The following RNF213 variants were observed in gnomAD, a reference collection of about 807,000 sequenced individuals.
The protein encoded by RNF213 is ring finger protein 213, also known as E3 ubiquitin-protein ligase RNF213.
Under a neutral mutation model 514.4 loss-of-function variants are expected in RNF213, and 341 were observed. The ratio of observed to expected loss-of-function variants is 0.66; its 90% CI spans 0.61 to 0.73. RNF213 has a LOEUF of 0.73. Ranked by LOEUF, RNF213 falls within the 30% of genes least tolerant of loss-of-function variation. The pLI is 0.00. For missense variants in RNF213, 5,767 were observed against 6,615.6 expected, an observed-to-expected ratio of 0.87 and a Z score of 4.45; for synonymous variants, 2,655 against 2,658.2, an observed-to-expected ratio of 1.00 and a Z score of 0.04.
chr17:80,348,363 T>C lies in RNF213; in HGVS notation c.9951+77T>C. On this transcript the variant is annotated intron_variant, in intron 29 of 67. Coordinates refer to ENST00000582970, the MANE Select transcript of RNF213 (RefSeq NM_001256071.3). The stretch of plus-strand genomic sequence containing the variant: ...AATCCCTCGTGTCAGGATTCAAGAT[T>C]CTTCCCCAGGCAGCGGTTAGGGATC... The C allele has an allele frequency of 2.5e-6, 4 of 1,586,876 alleles. No individual in the cohort carries two copies. In the Admixed American group the frequency reaches 6.7e-5, roughly 26 times the overall value.
In RNF213 at chr17:80,392,403, A is replaced by G. The variant is rs187872859; in HGVS notation, c.15471-942A>G. On this transcript the variant is annotated intron_variant, in intron 67 of 67. Transcript: ENST00000582970. ...TGAATGGTGAGGCCTTGTTTATGCA[A>G]CCCTGTAAATAAACATCACCTTGCT... is the stretch of plus-strand genomic sequence containing the variant. Among the ~76,000 whole-genome samples, 19 of 152,270 alleles carry G rather than the reference A, an allele frequency of 1.2e-4. No homozygotes were observed. In the East Asian group the frequency reaches 2.9e-3, roughly 23 times the overall value.
chr17:80,360,107 C>A lies in RNF213; in HGVS notation c.11101C>A (p.Leu3701Ile). Residue 3701 changes from leucine (L) to isoleucine (I), a missense_variant, in exon 38 of 68, where the codon CTT becomes ATT. By Grantham distance (5) the Leu-to-Ile change is conservative. This residue lies in a region of RNF213 where 919 missense variants were observed against 1,121.0 expected (regional missense o/e 0.82). Transcript: ENST00000582970. Reference sequence around the variant, plus strand: ...CATCGTGGTGCAGAACCACATGAACCTTTCCGAGAACGCTTCCAACAACGT... The same window carrying A: ...CATCGTGGTGCAGAACCACATGAACATTTCCGAGAACGCTTCCAACAACGT... The part of the protein sequence containing the change: ...AYIVVQNHMN[L>I]SENASNNVPF... 1 of 1,614,154 alleles carries A rather than the reference C, an allele frequency of 6.2e-7. No individual in the cohort carries two copies. Among genetic ancestry groups the A allele is most frequent in the South Asian group, 1.1e-5 (1 of 91,078 alleles).
At chr17:80,290,167 T>G (rs1454792386) in intron 6 of RNF213, among the ~76,000 whole-genome samples, 1 of 152,232 alleles carries the variant, frequency 6.6e-6, no homozygotes, top group Non-Finnish European at 1.5e-5. Context: ...CCACCTCTTC[T>G]TCCTCCATTT....
intron 3 of RNF213, 47 bp downstream of exon 3, chr17:80,273,451 A>G (rs1273464350): frequency 5.6e-6 from 9 of 1,607,408 alleles, no homozygotes; most frequent in Non-Finnish European, 7.6e-6. Context: ...CACTCTGCCC[A>G]GGAAAATCTC....
In RNF213 at chr17:80,313,186, G is replaced by C. The variant is rs78857404; in HGVS notation, c.2811+19G>C. On this transcript the variant is annotated intron_variant, in intron 15 of 67. Coordinates refer to ENST00000582970, the MANE Select transcript of RNF213 (RefSeq NM_001256071.3). ...AATTGAGGTAGGCATTTGGCCGAAG[G>C]CTTCTGGGTAGGGATGTGACTGATC... The C allele has an allele frequency of 0.061, 98,048 of 1,613,832 alleles. 4,097 individuals carry two copies. Among genetic ancestry groups the C allele is most frequent in the East Asian group, 0.21 (9,447 of 44,870 alleles).
chr17:80,366,504 C>T (rs981893024), intron 42 of RNF213, among the ~76,000 whole-genome samples: 1 of 152,122 alleles, frequency 6.6e-6, no homozygotes, highest in African/African-American at 2.4e-5. Context: ...GAGCATCCTT[C>T]ATGTGCTTGT....
intron 3 of RNF213, among the ~76,000 whole-genome samples, chr17:80,279,299 G>A (rs2044175362): frequency 6.6e-6 from 1 of 152,098 alleles, no homozygotes; most frequent in Non-Finnish European, 1.5e-5. Flanking sequence ...GCCCAAGGGG[G>A]CTTAGAGGGC....
chr17:80,363,798 C>T lies in RNF213; in HGVS notation c.11750+8C>T. On this transcript the variant is annotated splice_region_variant and intron_variant, in intron 41 of 67. Coordinates refer to ENST00000582970, the MANE Select transcript of RNF213 (RefSeq NM_001256071.3). ...TGTCATCAGGGAAGTCAGGTGAGAC[C>T]CAGGAGCCCTCACCCACTGCTTCAT... 6.2e-7 allele frequency: 1 copy of T among 1,612,166 alleles called. No homozygotes were observed. The highest frequency in any genetic ancestry group is 8.5e-7 in the Non-Finnish European group (1 of 1,179,776).
Position 80,385,010 on chromosome 17 carries a change from TTGTTAC to T in RNF213, c.14323-26_14323-21del, listed in dbSNP as rs543656236. The T allele has an allele frequency of 2.5e-3, 4,007 of 1,613,226 alleles. 9 individuals carry two copies. The highest frequency in any genetic ancestry group is 3.0e-3 in the Non-Finnish European group (3,516 of 1,179,156). On this transcript the variant is annotated intron_variant, in intron 59 of 67. Coordinates refer to ENST00000582970, the MANE Select transcript of RNF213 (RefSeq NM_001256071.3). ...ATAACATTTTTTAGGTAAATAAAAA[TTGTTAC>T]TGGGTGGTCTTCCCTTCTCCAGGAA...
intron 15 of RNF213, chr17:80,315,679 G>A (rs1200354778): frequency 2.0e-5 from 3 of 151,682 alleles, no homozygotes; most frequent in Non-Finnish European, 2.9e-5. Flanking sequence ...GGAGGTGATG[G>A]TGGTGGTGAA....
intron 36 of RNF213, chr17:80,355,087 G>A (rs1027829453): frequency 7.4e-6 from 3 of 406,408 alleles, no homozygotes; most frequent in Non-Finnish European, 1.5e-5. Context: ...AGGAAGGAGG[G>A]GTGCTCTGGG....
At chr17:80,337,535 C>G in intron 23 of RNF213, 51 bp from the exon 24 acceptor site, 12 of 1,526,262 alleles carry the variant, frequency 7.9e-6, no homozygotes, top group Non-Finnish European at 9.7e-6. Context: ...GGGAGAAGGG[C>G]AAGATCCTCG....
At chr17:80,326,180 G>C (rs984291040) in intron 18 of RNF213, among the ~76,000 whole-genome samples, 3 of 151,926 alleles carry the variant, frequency 2.0e-5, no homozygotes, top group African/African-American at 7.3e-5. Flanking sequence ...ATGTAGTAGA[G>C]TGATGCCATC....
chr17:80,354,712 T>C lies in RNF213; in HGVS notation c.10862+136T>C, dbSNP rs563439224. Reference sequence around the variant, plus strand: ...CAAACCTCTCAGCCATTCAAAGCTGTAAAGTTTTTCCCCAAGAAGCACACA... The same window carrying C: ...CAAACCTCTCAGCCATTCAAAGCTGCAAAGTTTTTCCCCAAGAAGCACACA... On this transcript the variant is annotated intron_variant, in intron 36 of 67. Coordinates refer to ENST00000582970, the MANE Select transcript of RNF213 (RefSeq NM_001256071.3). The C allele has an allele frequency of 4.2e-6, 5 of 1,178,492 alleles. No individual in the cohort carries two copies. The Admixed American group carries it at 7.9e-5, about 19-fold the overall frequency. The allele number at this position is 1,178,492 out of a possible 1,614,324, so 73.0% of individuals were successfully genotyped here. A position where few individuals can be genotyped will look rare whatever the true frequency, so the allele number is the denominator to read the frequency against.
intron 55 of RNF213, among the ~76,000 whole-genome samples, chr17:80,380,113 T>C (rs1347769404): frequency 6.6e-6 from 1 of 152,202 alleles, no homozygotes; most frequent in Non-Finnish European, 1.5e-5. Flanking sequence ...GCCAGCAATC[T>C]TAGCTTTCTC....
In RNF213 at chr17:80,386,706, G is replaced by C; in HGVS notation, c.14737G>C (p.Ala4913Pro). Residue 4913 changes from alanine (A) to proline (P), a missense_variant, in exon 63 of 68, where the codon GCC (alanine) becomes CCC (proline). By Grantham distance (27) the Ala-to-Pro change is conservative (BLOSUM62 -1). This residue lies in a region of RNF213 where 1,245 missense variants were observed against 1,339.0 expected (regional missense o/e 0.93). Coordinates refer to ENST00000582970, the MANE Select transcript of RNF213 (RefSeq NM_001256071.3). The part of the protein sequence containing the change: ...KENNSYSVDA[A>P]EVTELHVISY... ...GCCCCTCAGCTATTCCGTGGATGCC[G>C]CCGAGGTCACTGAACTGCATGTCAT... is the stretch of plus-strand genomic sequence containing the variant. The C allele has an allele frequency of 6.2e-7, 1 of 1,614,208 alleles. No individual in the cohort carries two copies. The highest frequency in any genetic ancestry group is 8.5e-7 in the Non-Finnish European group (1 of 1,180,038).
intron 47 of RNF213, among the ~76,000 whole-genome samples, 163 bp from the exon 48 acceptor site, chr17:80,372,358 A>G (rs1034976053): frequency 3.3e-5 from 5 of 152,202 alleles, no homozygotes; most frequent in African/African-American, 1.2e-4. Flanking sequence ...CCTTAAAATA[A>G]AAAGGAATGT....
At chr17:80,289,565 T>A in intron 5 of RNF213, 94 bp from the exon 6 acceptor site, 1 of 1,366,420 alleles carries the variant, frequency 7.3e-7, no homozygotes. Context: ...ACTCCAGCCT[T>A]GGTAATAAGA....
At chr17:80,261,060 G>A (rs906724159) in intron 1 of RNF213, among the ~76,000 whole-genome samples, 158 bp downstream of exon 1, 1 of 151,856 alleles carries the variant, frequency 6.6e-6, no homozygotes, top group African/African-American at 2.4e-5. Flanking sequence ...TTTCGCCGCC[G>A]GGGTGCCCGG....
Sources: gnomAD v4.1 joint callset for allele counts (sites outside exome capture counted in the v4.1 genomes callset) on GRCh38, gnomAD v4.1.1 for gene constraint, gnomAD v4.1.1 regional missense constraint, MANE v1.5 for transcripts, NCBI Gene and HGNC (gene_info 2026-07-23, HGNC 2026-07-21) for gene names.